FRMD5: variants seen among roughly 807,000 people sequenced by gnomAD.
FRMD5 encodes the protein FERM domain-containing protein 5.
In FRMD5, 20 loss-of-function variants were observed where a neutral mutation model predicts 69.0. That is an observed-to-expected ratio of 0.29 (90% CI 0.20 to 0.42). The LOEUF is 0.42. Among genes scored for constraint, FRMD5 ranks in the 10% least tolerant of loss-of-function variants. The pLI is 1.00. For missense variants in FRMD5, 595 were observed against 708.6 expected (o/e 0.84, Z 1.82); for synonymous variants, 271 against 260.1 (o/e 1.04, Z -0.40).
intron 12 of FRMD5, among the ~76,000 whole-genome samples, chr15:43,884,210 G>GTAAT (rs1387603227): frequency 1.1e-4 from 16 of 152,178 alleles, no homozygotes; most frequent in Non-Finnish European, 2.2e-4. Context: ...GGGGCAGGCA[G>GTAAT]TAATGCTCCC....
At chr15:43,997,124 A>C (rs1450767760) in intron 1 of FRMD5, among the ~76,000 whole-genome samples, 1 of 152,202 alleles carries the variant, frequency 6.6e-6, no homozygotes, top group East Asian at 1.9e-4. Context: ...GAAGACAGAC[A>C]CAGGGGACCT....
intron 1 of FRMD5, among the ~76,000 whole-genome samples, chr15:43,956,425 T>G (rs1344108702): frequency 1.3e-5 from 2 of 152,188 alleles, no homozygotes; most frequent in African/African-American, 4.8e-5. Flanking sequence ...TAAATTCAAC[T>G]ACTTTGAGGG....
chr15:44,178,423 T>G (rs1323637593), intron 1 of FRMD5, among the ~76,000 whole-genome samples: 1 of 152,152 alleles, frequency 6.6e-6, no homozygotes, highest in African/African-American at 2.4e-5. Context: ...AGTGGAAACC[T>G]TTGAAATATA....
chr15:44,052,148 T>C (rs1175046551), intron 1 of FRMD5, among the ~76,000 whole-genome samples: 1 of 152,214 alleles, frequency 6.6e-6, no homozygotes, highest in Admixed American at 6.5e-5. Flanking sequence ...CCAATTATTA[T>C]AGCTTTTTCT....
intron 13 of FRMD5, chr15:43,879,552 C>G: frequency 2.5e-6 from 1 of 399,062 alleles, no homozygotes. Context: ...AGTCAGGACC[C>G]TACCCTGGAG....
intron 1 of FRMD5, among the ~76,000 whole-genome samples, chr15:44,067,652 T>G (rs531573289): frequency 6.6e-6 from 1 of 152,246 alleles, no homozygotes; most frequent in South Asian, 2.1e-4. Context: ...ATCCCATTCA[T>G]GATGGTGGAG....
intron 1 of FRMD5, among the ~76,000 whole-genome samples, chr15:44,007,679 C>T (rs562158307): frequency 1.1e-5 from 1 of 93,780 alleles, no homozygotes; most frequent in South Asian, 3.7e-4. Flanking sequence ...GAGTTTCGCT[C>T]TTGTTGCCCA....
chr15:43,919,773 A>G lies in FRMD5; in HGVS notation c.244T>C (p.Leu82=). ...TTTCATGGAGAATACTTACATCTCA[A>G]TTGTTTCACCACAGACTTTGTAAAT... is the stretch of plus-strand genomic sequence containing the variant. ...LEFTKSVVKQ[L]RSQPPFTMCF... is the part of the protein sequence containing the mutation. The change falls in exon 3 of 14, where the codon TTG becomes CTG. Residue 82 remains leucine (L), a synonymous_variant. Coordinates refer to ENST00000417257, the MANE Select transcript of FRMD5 (RefSeq NM_032892.5). 1.9e-6 allele frequency: 3 copies of G among 1,614,064 alleles called. 1 individual carries two copies. In the South Asian group the frequency reaches 3.3e-5, roughly 18 times the overall value.
rs759039470 is a variant in FRMD5 at position 43,873,332 on chromosome 15, T to C, written c.*553A>G. ...TGGATGTTTACTTTTTTAAAAGTTC[T>C]GGCTGGCAAAAAAAACAAACAAAAA... On this transcript the variant is annotated 3_prime_UTR_variant, in exon 14 of 14. Transcript: ENST00000417257. 3 of 1,491,206 alleles carry C rather than the reference T, an allele frequency of 2.0e-6. No homozygotes were observed. The highest frequency in any genetic ancestry group is 2.7e-6 in the Non-Finnish European group (3 of 1,127,540). 92.4% of individuals were successfully genotyped at this position (1,491,206 alleles called of 1,614,324 possible).
intron 1 of FRMD5, among the ~76,000 whole-genome samples, chr15:44,155,396 C>T (rs2077511294): frequency 6.6e-6 from 1 of 151,922 alleles, no homozygotes; most frequent in East Asian, 1.9e-4. Context: ...CACACCACTG[C>T]ATTCCAGCCT....
chr15:44,002,493 G>A (rs1279799631), intron 1 of FRMD5, among the ~76,000 whole-genome samples: 1 of 151,976 alleles, frequency 6.6e-6, no homozygotes, highest in African/African-American at 2.4e-5. Flanking sequence ...GAGCATCGGC[G>A]GACTCACATC....
intron 1 of FRMD5, among the ~76,000 whole-genome samples, chr15:43,970,060 A>C (rs2090352115): frequency 6.6e-6 from 1 of 152,234 alleles, no homozygotes; most frequent in Non-Finnish European, 1.5e-5. Context: ...TAGAAGAAAA[A>C]GTGGGAACTG....
At chr15:44,187,256 T>A (rs1180733793) in intron 1 of FRMD5, among the ~76,000 whole-genome samples, 2 of 152,228 alleles carry the variant, frequency 1.3e-5, no homozygotes, top group African/African-American at 4.8e-5. Context: ...CATAATGCCA[T>A]TGCTTTGTGA....
chr15:44,185,842 T>C (rs543519830), intron 1 of FRMD5, among the ~76,000 whole-genome samples: 113 of 152,212 alleles, frequency 7.4e-4, no homozygotes, highest in African/African-American at 2.6e-3. Context: ...GAGGGCAGGC[T>C]AGATGCTTTC....
chr15:44,015,769 G>A (rs146067303), intron 1 of FRMD5, among the ~76,000 whole-genome samples: 88 of 152,244 alleles, frequency 5.8e-4, no homozygotes, highest in African/African-American at 2.1e-3. Context: ...AATGAGAAAG[G>A]TTACGTCATA....
At chr15:44,105,712 T>C (rs1167465077) in intron 1 of FRMD5, among the ~76,000 whole-genome samples, 1 of 152,226 alleles carries the variant, frequency 6.6e-6, no homozygotes, top group Non-Finnish European at 1.5e-5. Context: ...TTTAGCTCTA[T>C]TAGTTCTCAA....
chr15:43,993,397 G>C (rs532141569), intron 1 of FRMD5, among the ~76,000 whole-genome samples: 2 of 152,150 alleles, frequency 1.3e-5, no homozygotes, highest in Admixed American at 6.5e-5. Flanking sequence ...GTTTCACCTT[G>C]TTGGCCAGGT....
intron 13 of FRMD5, chr15:43,879,354 CTA>C (rs763918187): frequency 2.5e-5 from 10 of 396,478 alleles, no homozygotes; most frequent in African/African-American, 4.1e-5. Flanking sequence ...CAGGTTAGTC[CTA>C]TATTAGAAAC....
chr15:44,128,344 G>A (rs999295290), intron 1 of FRMD5, among the ~76,000 whole-genome samples: 2 of 152,220 alleles, frequency 1.3e-5, no homozygotes, highest in Non-Finnish European at 2.9e-5. Context: ...GCTGGGCGTG[G>A]TGGCGCAGGC....
Sources: gnomAD v4.1 joint callset for allele counts (sites outside exome capture counted in the v4.1 genomes callset) on GRCh38, gnomAD v4.1.1 for gene constraint, MANE v1.5 for transcripts, NCBI Gene and HGNC (gene_info 2026-07-23, HGNC 2026-07-21) for gene names.